HECW2: variants seen among roughly 807,000 people sequenced by gnomAD.
The protein encoded by HECW2 is HECT, C2 and WW domain containing E3 ubiquitin protein ligase 2.
Under a neutral mutation model 175.2 loss-of-function variants are expected in HECW2, and 61 were observed. That is an observed-to-expected ratio of 0.35 (90% CI 0.28 to 0.43). The LOEUF is 0.43. Among genes scored for constraint, HECW2 ranks in the 20% least tolerant of loss-of-function variants. The pLI is 1.00. For missense variants in HECW2, 1,524 were observed against 2,000.5 expected, an observed-to-expected ratio of 0.76 and a Z score of 4.54; for synonymous variants, 671 against 731.0, an observed-to-expected ratio of 0.92 and a Z score of 1.32.
intron 1 of HECW2, among the ~76,000 whole-genome samples, chr2:196,484,926 G>A (rs1369596327): frequency 3.3e-5 from 5 of 152,162 alleles, no homozygotes; most frequent in Non-Finnish European, 7.3e-5. Flanking sequence ...CTTTGGGTAG[G>A]TAGCAAGATG....
At chr2:196,448,796 A>G (rs1324797427) in intron 1 of HECW2, among the ~76,000 whole-genome samples, 1 of 152,228 alleles carries the variant, frequency 6.6e-6, no homozygotes, top group Non-Finnish European at 1.5e-5. Flanking sequence ...GGACCCTGAC[A>G]ACTCGTTGAT....
At chr2:196,386,442 C>A (rs1051211821) in intron 2 of HECW2, among the ~76,000 whole-genome samples, 1 of 152,108 alleles carries the variant, frequency 6.6e-6, no homozygotes, top group Non-Finnish European at 1.5e-5. Context: ...AGGGAGCTTG[C>A]TAACATGCTT....
chr2:196,358,377 C>A (rs1046703111), intron 2 of HECW2, among the ~76,000 whole-genome samples: 5 of 151,672 alleles, frequency 3.3e-5, no homozygotes, highest in African/African-American at 1.2e-4. Context: ...AGTTCGAGAT[C>A]GGCCTGACCA....
At chr2:196,240,132 T>C (rs1688393524) in intron 21 of HECW2, 1 of 190,460 alleles carries the variant, frequency 5.3e-6, no homozygotes, top group Admixed American at 5.9e-5. Flanking sequence ...ATAAATGCAA[T>C]TCCTTGTTTT....
chr2:196,402,200 C>A (rs1384072974), intron 2 of HECW2, among the ~76,000 whole-genome samples: 25 of 70,382 alleles, frequency 3.6e-4, no homozygotes, highest in South Asian at 1.1e-3. Flanking sequence ...GACTCTGTCT[C>A]AAAAAAAAAA....
intron 2 of HECW2, among the ~76,000 whole-genome samples, chr2:196,387,264 A>C (rs4482502): frequency 1 from 152,159 of 152,236 alleles, 76,041 homozygotes; most frequent in East Asian, 1. Flanking sequence ...GTGTCTCTCA[A>C]AAAAACCATA....
intron 1 of HECW2, among the ~76,000 whole-genome samples, chr2:196,555,700 A>G (rs548654026): frequency 6.6e-6 from 1 of 152,368 alleles, no homozygotes; most frequent in African/African-American, 2.4e-5. Context: ...AGAATTAAAG[A>G]GTTAAGTATT....
chr2:196,291,357 G>A (rs1690597002), intron 14 of HECW2: 1 of 151,932 alleles, frequency 6.6e-6, no homozygotes, highest in Admixed American at 6.6e-5. Flanking sequence ...TTTCATCATA[G>A]CATTAATCAG....
chr2:196,308,610 T>C (rs544937954), intron 10 of HECW2, among the ~76,000 whole-genome samples: 1 of 152,372 alleles, frequency 6.6e-6, no homozygotes, highest in South Asian at 2.1e-4. Context: ...ACAGTATCAT[T>C]ATCTACAAAC....
intron 14 of HECW2, among the ~76,000 whole-genome samples, chr2:196,283,505 A>T (rs1345840533): frequency 6.6e-6 from 1 of 150,940 alleles, no homozygotes; most frequent in African/African-American, 2.4e-5. Context: ...CCTCCCAAGT[A>T]GCTGGAATTA....
intron 13 of HECW2, among the ~76,000 whole-genome samples, chr2:196,294,443 C>T (rs1363919072): frequency 6.6e-6 from 1 of 152,168 alleles, no homozygotes; most frequent in Non-Finnish European, 1.5e-5. Context: ...TGGACCTCTT[C>T]CAGCTTTATG....
At chr2:196,416,365 C>A (rs1439137250) in intron 2 of HECW2, among the ~76,000 whole-genome samples, 4 of 152,086 alleles carry the variant, frequency 2.6e-5, no homozygotes, top group African/African-American at 9.7e-5. Context: ...AAAAGTATTT[C>A]TATGTATTTG....
At chr2:196,312,911 T>C (rs13384846) in intron 10 of HECW2, among the ~76,000 whole-genome samples, 2,217 of 152,326 alleles carry the variant, frequency 0.015, 61 homozygotes, top group African/African-American at 0.05. Context: ...TCAGATTCAC[T>C]GCATGGTTTT....
chr2:196,393,905 A>G (rs1354042873), intron 2 of HECW2, among the ~76,000 whole-genome samples: 2 of 152,234 alleles, frequency 1.3e-5, no homozygotes, highest in African/African-American at 2.4e-5. Flanking sequence ...AACCAACCCA[A>G]ATGTCCATCA....
chr2:196,278,674 T>G lies in HECW2; in HGVS notation c.3001-12A>C. 6.2e-7 allele frequency: 1 copy of G among 1,613,904 alleles called. No individual in the cohort carries two copies. The highest frequency in any genetic ancestry group is 8.5e-7 in the Non-Finnish European group (1 of 1,179,846). On this transcript the variant is annotated splice_polypyrimidine_tract_variant and intron_variant, in intron 14 of 28. Coordinates refer to ENST00000644978, the MANE Select transcript of HECW2 (RefSeq NM_001348768.2). ...TCCACAAAGAATGCCTAGGATACAA[T>G]ACACTGAGTCAAATACATGCCGCTC... is the stretch of plus-strand genomic sequence containing the variant.
intron 15 of HECW2, among the ~76,000 whole-genome samples, chr2:196,275,085 C>A (rs890471041): frequency 6.6e-6 from 1 of 152,158 alleles, no homozygotes; most frequent in East Asian, 1.9e-4. Flanking sequence ...GACTCTAATG[C>A]TGGAAATATC....
chr2:196,527,889 A>T (rs187051824), intron 1 of HECW2, among the ~76,000 whole-genome samples: 6 of 152,340 alleles, frequency 3.9e-5, no homozygotes, highest in South Asian at 2.1e-4. Context: ...ATTAATTTTT[A>T]AAAAAGGCTC....
intron 10 of HECW2, chr2:196,316,123 A>G (rs771402121): frequency 2.9e-4 from 44 of 152,184 alleles, no homozygotes; most frequent in Non-Finnish European, 4.7e-4. Context: ...GCTTAAGATG[A>G]TACAAGGTTA....
At chr2:196,578,889 T>C (rs1690659789) in intron 1 of HECW2, among the ~76,000 whole-genome samples, 1 of 152,070 alleles carries the variant, frequency 6.6e-6, no homozygotes, top group Non-Finnish European at 1.5e-5. Flanking sequence ...CACCAAACAT[T>C]AACTCAAAGC....
Sources: allele counts gnomAD v4.1 joint callset (sites outside exome capture counted in the v4.1 genomes callset), GRCh38; gene constraint gnomAD v4.1.1; transcripts MANE v1.5; gene names NCBI Gene and HGNC (gene_info 2026-07-23, HGNC 2026-07-21).